The following SLCO3A1 variants were observed in gnomAD, a reference collection of about 807,000 sequenced individuals.
SLCO3A1 encodes the protein PGE1 transporter.
Under a neutral mutation model 63.1 loss-of-function variants are expected in SLCO3A1, and 27 were observed. That is an observed-to-expected ratio of 0.43 (90% CI 0.32 to 0.59). The LOEUF is 0.59. Ranked by LOEUF, SLCO3A1 falls within the 20% of genes least tolerant of loss-of-function variation. The probability of loss-of-function intolerance (pLI) is 0.09; values close to 1 mark genes in which losing one functional copy is unlikely to be tolerated. For missense variants in SLCO3A1, 773 were observed against 945.8 expected (o/e 0.82, Z 2.40); for synonymous variants, 473 against 409.9 (o/e 1.15, Z -1.86).
At chr15:92,081,112 CTT>C (rs1392033244) in intron 2 of SLCO3A1, among the ~76,000 whole-genome samples, 1 of 152,060 alleles carries the variant, frequency 6.6e-6, no homozygotes, top group Non-Finnish European at 1.5e-5. Context: ...CAGTGATACT[CTT>C]TCAGTTATTT....
At chr15:92,063,650 G>GACC (rs1393800974) in intron 2 of SLCO3A1, among the ~76,000 whole-genome samples, 2 of 152,184 alleles carry the variant, frequency 1.3e-5, no homozygotes, top group Non-Finnish European at 2.9e-5. Flanking sequence ...AGGAGTTTGA[G>GACC]ACCAGCCTGA....
At chr15:91,972,208 A>G (rs1900902791) in intron 2 of SLCO3A1, among the ~76,000 whole-genome samples, 1 of 152,182 alleles carries the variant, frequency 6.6e-6, no homozygotes, top group African/African-American at 2.4e-5. Flanking sequence ...GTCTCCATTA[A>G]GAGATTATAC....
intron 7 of SLCO3A1, among the ~76,000 whole-genome samples, chr15:92,143,431 ATATATAT>A (rs754607622): frequency 4.7e-4 from 1 of 2,126 alleles, no homozygotes; most frequent in Non-Finnish European, 8.1e-4. Context: ...TATATATATA[ATATATAT>A]AATATATATA....
chr15:92,136,842 A>G (rs1293521519), intron 7 of SLCO3A1, among the ~76,000 whole-genome samples: 1 of 151,866 alleles, frequency 6.6e-6, no homozygotes, highest in African/African-American at 2.4e-5. Context: ...TCTGTACCTC[A>G]CTATTTTGTT....
In SLCO3A1 at chr15:91,985,381, G is replaced by T. The variant is rs554682741; in HGVS notation, c.646+68923G>T. Among the ~76,000 whole-genome samples the T allele has an allele frequency of 5.9e-5, 9 of 152,270 alleles. No homozygotes were observed. In the South Asian group the frequency reaches 1.9e-3, roughly 32 times the overall value. On this transcript the variant is annotated intron_variant, in intron 2 of 9. Transcript: ENST00000318445. The stretch of plus-strand genomic sequence containing the variant: ...ATTCCTTCTACTATTGAGGGCATTT[G>T]TGTAGTGTCCAGTTTGTGGCTATCA...
At chr15:92,150,516 G>A (rs1198734835) in intron 8 of SLCO3A1, among the ~76,000 whole-genome samples, 1 of 152,162 alleles carries the variant, frequency 6.6e-6, no homozygotes, top group African/African-American at 2.4e-5. Flanking sequence ...AATGACTGGA[G>A]AATGGTAAAG....
In SLCO3A1 at chr15:91,924,827, A is replaced by G. The variant is rs542293298; in HGVS notation, c.646+8369A>G. ...GAAAAGCACGGTTCAAGGTTCCCCGAAGAGAGTATTGGGATGCAGAAACCA... is the reference window on the plus strand; with the variant it reads ...GAAAAGCACGGTTCAAGGTTCCCCGGAGAGAGTATTGGGATGCAGAAACCA... On this transcript the variant is annotated intron_variant, in intron 2 of 9. Coordinates refer to ENST00000318445, the MANE Select transcript of SLCO3A1 (RefSeq NM_013272.4). Among the ~76,000 whole-genome samples, 3 of 152,346 alleles carry G rather than the reference A, an allele frequency of 2.0e-5. No homozygotes were observed. The East Asian group carries it at 5.8e-4, about 29-fold the overall frequency.
At chr15:92,021,152 C>T (rs963890253) in intron 2 of SLCO3A1, among the ~76,000 whole-genome samples, 2 of 152,220 alleles carry the variant, frequency 1.3e-5, no homozygotes, top group African/African-American at 4.8e-5. Flanking sequence ...TTGTTGTCAT[C>T]ATCGCATCCT....
chr15:92,101,405 A>T (rs1301338709), intron 3 of SLCO3A1, among the ~76,000 whole-genome samples: 4 of 152,102 alleles, frequency 2.6e-5, no homozygotes, highest in Admixed American at 1.3e-4. Flanking sequence ...GCTACTTGAG[A>T]GGCTAAGGCA....
rs902602063 is a variant in SLCO3A1 at position 91,950,976 on chromosome 15, A to T, written c.646+34518A>T. ...CAGGTGAGCTGAAGCTATTGTGTGT[A>T]TTCTCTTAGTAAAGTCAGTTCCCAC... On this transcript the variant is annotated intron_variant, in intron 2 of 9. Transcript: ENST00000318445. The surrounding 1 kb of genome is among the most constrained non-coding windows in gnomAD (Gnocchi z 4.4). Among the ~76,000 whole-genome samples, 2 of 152,074 alleles carry T rather than the reference A, an allele frequency of 1.3e-5. No individual in the cohort carries two copies. The highest frequency in any genetic ancestry group is 4.8e-5 in the African/African-American group (2 of 41,384).
intron 2 of SLCO3A1, among the ~76,000 whole-genome samples, chr15:91,949,007 T>G (rs535294348): frequency 6.6e-6 from 1 of 152,256 alleles, no homozygotes; most frequent in East Asian, 1.9e-4. Flanking sequence ...TGGTGTAAAC[T>G]TCCCTGCCCT....
At chr15:92,092,282 C>G (rs2047487128) in intron 2 of SLCO3A1, among the ~76,000 whole-genome samples, 1 of 152,008 alleles carries the variant, frequency 6.6e-6, no homozygotes, top group Admixed American at 6.6e-5. Flanking sequence ...AATAATAATT[C>G]TCATTATTCA....
At chr15:91,977,395 A>C (rs1328774057) in intron 2 of SLCO3A1, among the ~76,000 whole-genome samples, 2 of 152,186 alleles carry the variant, frequency 1.3e-5, no homozygotes, top group East Asian at 3.8e-4. Context: ...TAACACACTT[A>C]GAGGTGATAT....
chr15:92,150,350 A>G (rs1299010154), intron 8 of SLCO3A1, among the ~76,000 whole-genome samples: 5 of 152,254 alleles, frequency 3.3e-5, no homozygotes, highest in African/African-American at 1.2e-4. Context: ...TCCTGTGGCA[A>G]CACCCTCACA....
chr15:92,016,168 G>A (rs1224825258), intron 2 of SLCO3A1, among the ~76,000 whole-genome samples: 1 of 150,160 alleles, frequency 6.7e-6, no homozygotes, highest in African/African-American at 2.5e-5. Flanking sequence ...TAGCAAACCA[G>A]GTCTTGATGT....
intron 2 of SLCO3A1, among the ~76,000 whole-genome samples, chr15:92,006,867 G>A (rs917510707): frequency 1.3e-5 from 2 of 152,174 alleles, no homozygotes; most frequent in Admixed American, 6.5e-5. Context: ...GCCCCCAAAT[G>A]TATCCTTTTA....
Position 92,127,454 on chromosome 15 carries a change from C to T in SLCO3A1, c.1374-897C>T, listed in dbSNP as rs182222081. Among the ~76,000 whole-genome samples the T allele has an allele frequency of 2.4e-4, 37 of 152,314 alleles. No individual in the cohort carries two copies. The South Asian group carries it at 5.4e-3, about 22-fold the overall frequency. Reference sequence around the variant, plus strand: ...CAAGTCACTTAACCTGGCTGTGCCTCGGTTTCTTCTCTAAAGCCCATGGGG... The same window carrying T: ...CAAGTCACTTAACCTGGCTGTGCCTTGGTTTCTTCTCTAAAGCCCATGGGG... On this transcript the variant is annotated intron_variant, in intron 6 of 9. Transcript: ENST00000318445.
At chr15:91,868,442 AC>A (rs1897219872) in intron 1 of SLCO3A1, among the ~76,000 whole-genome samples, 1 of 147,438 alleles carries the variant, frequency 6.8e-6, no homozygotes, top group East Asian at 1.9e-4. Context: ...TTTGGAAAAT[AC>A]AAATAAACAT....
intron 2 of SLCO3A1, among the ~76,000 whole-genome samples, chr15:92,048,854 C>T (rs956768752): frequency 2.0e-5 from 3 of 152,194 alleles, no homozygotes; most frequent in Admixed American, 6.5e-5. Flanking sequence ...GCCGAGATCA[C>T]GCCATTGCAC....
Sources: allele counts gnomAD v4.1 joint callset (sites outside exome capture counted in the v4.1 genomes callset), GRCh38; gene constraint gnomAD v4.1.1; non-coding constraint Gnocchi (gnomAD v3.1); transcripts MANE v1.5; gene names NCBI Gene and HGNC (gene_info 2026-07-23, HGNC 2026-07-21).